MTMR7: variants seen among roughly 807,000 people sequenced by gnomAD.
MTMR7 encodes the protein phosphatidylinositol-3-phosphate phosphatase MTMR7.
MTMR7 carries 76 observed loss-of-function variants against 81.2 expected under a neutral mutation model. The ratio of observed to expected loss-of-function variants is 0.94; its 90% confidence interval spans 0.78 to 1.13. MTMR7 has a LOEUF of 1.13. Ranked by LOEUF, MTMR7 falls within the 50% of genes most tolerant of loss-of-function variation. The probability of loss-of-function intolerance (pLI) is 0.00; values close to 1 mark genes in which losing one functional copy is unlikely to be tolerated. For synonymous variants in MTMR7, 372 were observed against 289.8 expected (o/e 1.28, Z -2.88); for missense variants, 1,044 against 820.0 (o/e 1.27, Z -3.34).
At chr8:17,316,955 G>C (rs1212643205) in intron 7 of MTMR7, among the ~76,000 whole-genome samples, 1 of 152,172 alleles carries the variant, frequency 6.6e-6, no homozygotes, top group African/African-American at 2.4e-5. Context: ...AGTGGTTTAT[G>C]CTCTCACCAG....
chr8:17,384,598 G>C (rs1249430444), intron 1 of MTMR7, among the ~76,000 whole-genome samples: 1 of 152,102 alleles, frequency 6.6e-6, no homozygotes, highest in African/African-American at 2.4e-5. Flanking sequence ...CATACAAGAA[G>C]AAAAACTGAA....
rs1274831991 is a variant in MTMR7, at chr8:17,307,335, T to C, written c.1152-1378A>G. On this transcript the variant is annotated intron_variant, in intron 10 of 13. Transcript: ENST00000180173. Reference sequence around the variant, plus strand: ...GAAATGCAAATCAAAACCACAATGATACACCATCTCACACCAGTTAGAATG... The same window carrying C: ...GAAATGCAAATCAAAACCACAATGACACACCATCTCACACCAGTTAGAATG... Among the ~76,000 whole-genome samples, 10 of 152,188 alleles carry C rather than the reference T, an allele frequency of 6.6e-5. No individual in the cohort carries two copies. In the South Asian group the frequency reaches 1.0e-3, roughly 16 times the overall value.
intron 1 of MTMR7, among the ~76,000 whole-genome samples, chr8:17,385,684 T>C (rs1203028420): frequency 6.6e-6 from 1 of 152,154 alleles, no homozygotes; most frequent in Non-Finnish European, 1.5e-5. Flanking sequence ...GAGTTCATTC[T>C]CAGGAGATGT....
intron 8 of MTMR7, 84 bp downstream of exon 8, chr8:17,313,208 G>A (rs563145622): frequency 4.1e-5 from 39 of 953,308 alleles, no homozygotes; most frequent in Admixed American, 5.8e-5. Context: ...TTAAGACAGG[G>A]AAGCCCATGG....
intron 7 of MTMR7, among the ~76,000 whole-genome samples, chr8:17,319,009 C>T (rs768966916): frequency 6.6e-6 from 1 of 152,248 alleles, no homozygotes; most frequent in Non-Finnish European, 1.5e-5. Context: ...GCAGGGATTT[C>T]ACATTAGCTT....
chr8:17,348,951 A>G lies in MTMR7; in HGVS notation c.597+2T>C, dbSNP rs773705068. On this transcript the variant is annotated splice_donor_variant, in intron 5 of 13. Transcript: ENST00000180173. LOFTEE classifies it high-confidence loss of function. ...AAAACAAAAACACGCCTCGAGACTT[A>G]CGTGGTTATCTTTATAATAGTAAGA... 1.9e-6 allele frequency: 3 copies of G among 1,613,794 alleles called. No individual in the cohort carries two copies. The highest frequency in any genetic ancestry group is 2.5e-6 in the Non-Finnish European group (3 of 1,179,956).
chr8:17,389,752 G>C (rs76908986), intron 1 of MTMR7, among the ~76,000 whole-genome samples: 8,922 of 152,136 alleles, frequency 0.059, 341 homozygotes, highest in East Asian at 0.097. Context: ...ACAGAGCAGA[G>C]ACGGGGAAAA....
At chr8:17,378,524 A>G (rs757005369) in intron 1 of MTMR7, among the ~76,000 whole-genome samples, 49 of 152,222 alleles carry the variant, frequency 3.2e-4, no homozygotes, top group Non-Finnish European at 5.9e-4. Context: ...CTACAAAGTA[A>G]TAAGGCCAGT....
rs145608235 is a variant in MTMR7 at position 17,320,799 on chromosome 8, G to A, written c.866-7398C>T. On this transcript the variant is annotated intron_variant, in intron 7 of 13. Transcript: ENST00000180173. ...GCACGCGGCCCTGAAACACGGCCCA[G>A]TGGAAAGCATGGCAAATTCCAGCAC... Among the ~76,000 whole-genome samples, 62 of 152,306 alleles carry A rather than the reference G, an allele frequency of 4.1e-4. No individual in the cohort carries two copies. The South Asian group carries it at 6.0e-3, about 15-fold the overall frequency.
chr8:17,405,508 T>G (rs1414283897), intron 1 of MTMR7, among the ~76,000 whole-genome samples: 1 of 152,190 alleles, frequency 6.6e-6, no homozygotes, highest in East Asian at 1.9e-4. Flanking sequence ...GCCCATCACA[T>G]AAACAGGATG....
intron 7 of MTMR7, among the ~76,000 whole-genome samples, chr8:17,326,765 C>G (rs2239873): frequency 0.29 from 44,442 of 151,804 alleles, 7,969 homozygotes; most frequent in African/African-American, 0.5. Flanking sequence ...CTGATGAGAA[C>G]GCAGCCCAGC....
At chr8:17,304,031 A>G (rs1363892524) in intron 12 of MTMR7, among the ~76,000 whole-genome samples, 1 of 152,230 alleles carries the variant, frequency 6.6e-6, no homozygotes, top group Non-Finnish European at 1.5e-5. Flanking sequence ...TCCAACCTTA[A>G]CACGTCATGA....
chr8:17,335,848 A>G (rs1422883501), intron 6 of MTMR7, among the ~76,000 whole-genome samples: 1 of 152,194 alleles, frequency 6.6e-6, no homozygotes, highest in African/African-American at 2.4e-5. Context: ...CTAACTTAGA[A>G]TTCCAGTCCC....
At chr8:17,370,908 CT>C in intron 3 of MTMR7, 128 bp downstream of exon 3, 3 of 920,578 alleles carry the variant, frequency 3.3e-6, no homozygotes, top group Non-Finnish European at 4.8e-6. Flanking sequence ...GGCTTATCCT[CT>C]CCTGAGAACG....
intron 1 of MTMR7, among the ~76,000 whole-genome samples, chr8:17,382,521 AAG>A (rs1231246068): frequency 9.1e-6 from 1 of 109,438 alleles, no homozygotes; most frequent in Admixed American, 8.4e-5. Context: ...CTCAAAAATA[AAG>A]ACTTTCATTT....
At chr8:17,388,075 T>G (rs1274469404) in intron 1 of MTMR7, among the ~76,000 whole-genome samples, 1 of 152,206 alleles carries the variant, frequency 6.6e-6, no homozygotes, top group East Asian at 1.9e-4. Flanking sequence ...AAAGTGCCCA[T>G]TTTTGCTCAG....
intron 1 of MTMR7, among the ~76,000 whole-genome samples, chr8:17,384,830 A>C (rs1186444471): frequency 1.3e-5 from 2 of 152,262 alleles, no homozygotes; most frequent in African/African-American, 4.8e-5. Context: ...GGAGTATTTA[A>C]TCTTTCTACA....
At chr8:17,312,740 G>A (rs1286554555) in intron 8 of MTMR7, among the ~76,000 whole-genome samples, 1 of 151,926 alleles carries the variant, frequency 6.6e-6, no homozygotes, top group African/African-American at 2.4e-5. Flanking sequence ...CCTCAAAACA[G>A]GGAACATACC....
At chr8:17,393,790 C>T (rs560491074) in intron 1 of MTMR7, among the ~76,000 whole-genome samples, 1 of 152,232 alleles carries the variant, frequency 6.6e-6, no homozygotes, top group South Asian at 2.1e-4. Context: ...TACAACAAAC[C>T]ACTCTGACAC....
Sources: gnomAD v4.1 joint callset for allele counts (sites outside exome capture counted in the v4.1 genomes callset) on GRCh38, gnomAD v4.1.1 for gene constraint, MANE v1.5 for transcripts, NCBI Gene and HGNC (gene_info 2026-07-23, HGNC 2026-07-21) for gene names.